MYO1D: variants seen among roughly 807,000 people sequenced by gnomAD.
MYO1D encodes unconventional myosin-Id.
MYO1D carries 83 observed loss-of-function variants against 122.0 expected under a neutral mutation model. That is an observed-to-expected ratio of 0.68 (90% CI 0.57 to 0.82). The LOEUF (loss-of-function observed/expected upper bound fraction) is 0.82. MYO1D is among the 40% of genes least tolerant of loss of function. MYO1D has a pLI of 0.00. For synonymous variants in MYO1D, 464 were observed against 446.9 expected, an observed-to-expected ratio of 1.04 and a Z score of -0.48; for missense variants, 1,157 against 1,269.5, an observed-to-expected ratio of 0.91 and a Z score of 1.35.
intron 21 of MYO1D, among the ~76,000 whole-genome samples, chr17:32,588,831 T>C (rs2087413481): frequency 6.6e-6 from 1 of 152,056 alleles, no homozygotes; most frequent in South Asian, 2.1e-4. Context: ...CAGTCCCAGC[T>C]ACTTGGGAGG....
At chr17:32,688,851 CA>C (rs2089056579) in intron 16 of MYO1D, among the ~76,000 whole-genome samples, 1 of 152,106 alleles carries the variant, frequency 6.6e-6, no homozygotes, top group Admixed American at 6.6e-5. Context: ...CCACAACCAT[CA>C]CCACGGTTCT....
At chr17:32,859,146 T>C (rs1352356058) in intron 1 of MYO1D, among the ~76,000 whole-genome samples, 1 of 152,228 alleles carries the variant, frequency 6.6e-6, no homozygotes, top group Non-Finnish European at 1.5e-5. Flanking sequence ...TGTATGGATA[T>C]AGGTGCATAC....
chr17:32,720,966 C>A (rs939244998), intron 15 of MYO1D, 57 bp downstream of exon 15: 3 of 1,529,756 alleles, frequency 2.0e-6, no homozygotes, highest in South Asian at 2.5e-5. Context: ...CACTATTGTA[C>A]GGGGAGGACT....
chr17:32,776,099 T>A, intron 3 of MYO1D, 70 bp from the exon 4 acceptor site: 1 of 1,377,154 alleles, frequency 7.3e-7, no homozygotes, highest in Non-Finnish European at 1.0e-6. Context: ...AACTGGATTT[T>A]GCTAAACCAC....
chr17:32,822,624 CCCCCGTCCCGGGGGGTGGCCGCGCGGG>C (rs1474055636), intron 1 of MYO1D, among the ~76,000 whole-genome samples: 26 of 148,918 alleles, frequency 1.7e-4, no homozygotes, highest in African/African-American at 6.1e-4. Context: ...GGCCCGCCGG[CCCCCGTCCCGGGGGGTGGCCGCGCGGG>C]CCCCGGTGGG....
intron 1 of MYO1D, among the ~76,000 whole-genome samples, chr17:32,819,444 C>T (rs2151056596): frequency 6.6e-6 from 1 of 152,286 alleles, no homozygotes; most frequent in South Asian, 2.1e-4. Context: ...GCAGTTTCTG[C>T]TCCTTCTCAA....
chr17:32,679,357 T>C (rs2150965648), intron 16 of MYO1D, among the ~76,000 whole-genome samples: 1 of 152,154 alleles, frequency 6.6e-6, no homozygotes, highest in East Asian at 1.9e-4. Flanking sequence ...TGAATGGTAA[T>C]GCCTAGGTTT....
intron 12 of MYO1D, among the ~76,000 whole-genome samples, chr17:32,747,963 A>G (rs2089854918): frequency 6.6e-6 from 1 of 152,182 alleles, no homozygotes; most frequent in Non-Finnish European, 1.5e-5. Context: ...TAGAAGCTGG[A>G]AAAAGGAACA....
At chr17:32,556,828 T>G (rs184375720) in intron 21 of MYO1D, among the ~76,000 whole-genome samples, 353 of 152,242 alleles carry the variant, frequency 2.3e-3, no homozygotes, top group South Asian at 8.5e-3. Context: ...AATATTATAG[T>G]GTTTTGGGTC....
intron 21 of MYO1D, among the ~76,000 whole-genome samples, chr17:32,532,723 CAAAAAAA>C: frequency 1.0e-5 from 1 of 99,660 alleles, no homozygotes; most frequent in Admixed American, 1.1e-4. Context: ...GACTCCGTCT[CAAAAAAA>C]AAAAAAAAAA....
chr17:32,861,260 G>T (rs914833506), intron 1 of MYO1D, among the ~76,000 whole-genome samples: 47 of 151,870 alleles, frequency 3.1e-4, no homozygotes, highest in Non-Finnish European at 5.6e-4. Flanking sequence ...AGAGATGGGG[G>T]TTTCACCATG....
In MYO1D at chr17:32,494,037, A is replaced by G. The variant is rs1168924200; in HGVS notation, c.*722T>C. The G allele has an allele frequency of 1.3e-5, 2 of 152,320 alleles. No individual in the cohort carries two copies. Among genetic ancestry groups the G allele is most frequent in the Admixed American group, 6.5e-5 (1 of 15,288 alleles). 9.4% of individuals were successfully genotyped at this position (152,320 alleles called of 1,614,324 possible). Reference sequence around the variant, plus strand: ...GACCACAGCCACAGGCTGCGAGTTAAGTAAGATGATCCTTGGAGCATGCCA... The same window carrying G: ...GACCACAGCCACAGGCTGCGAGTTAGGTAAGATGATCCTTGGAGCATGCCA... On this transcript the variant is annotated 3_prime_UTR_variant, in exon 22 of 22. Coordinates refer to ENST00000318217, the MANE Select transcript of MYO1D (RefSeq NM_015194.3).
At chr17:32,842,034 T>C (rs11080193) in intron 1 of MYO1D, among the ~76,000 whole-genome samples, 62,109 of 152,040 alleles carry the variant, frequency 0.41, 13,006 homozygotes, top group East Asian at 0.54. Context: ...CAATTATACA[T>C]TTATTTGTAC....
intron 13 of MYO1D, 24 bp downstream of exon 13, chr17:32,745,187 T>A: frequency 1.6e-6 from 2 of 1,263,570 alleles, no homozygotes; most frequent in Non-Finnish European, 2.3e-6. Flanking sequence ...AATCTAGAGT[T>A]AATTAATAAA....
At chr17:32,759,439 T>C (rs920004499) in intron 10 of MYO1D, among the ~76,000 whole-genome samples, 4 of 152,160 alleles carry the variant, frequency 2.6e-5, no homozygotes, top group Non-Finnish European at 4.4e-5. Flanking sequence ...GCTGCTATTA[T>C]ATTGGATAAC....
chr17:32,547,745 G>A (rs1469870587), intron 21 of MYO1D, among the ~76,000 whole-genome samples: 3 of 152,122 alleles, frequency 2.0e-5, no homozygotes, highest in African/African-American at 4.8e-5. Context: ...CCAGGAGATC[G>A]AGACCAGCCT....
intron 21 of MYO1D, among the ~76,000 whole-genome samples, chr17:32,554,524 TA>T (rs1340809748): frequency 6.6e-6 from 1 of 152,168 alleles, no homozygotes; most frequent in Non-Finnish European, 1.5e-5. Context: ...GAAGGATATA[TA>T]AGTGAATATT....
intron 15 of MYO1D, among the ~76,000 whole-genome samples, chr17:32,716,516 C>A (rs2089448670): frequency 6.6e-6 from 1 of 152,168 alleles, no homozygotes; most frequent in Non-Finnish European, 1.5e-5. Flanking sequence ...GAAAAGAAAT[C>A]ATTTAAAGCC....
chr17:32,759,489 A>G (rs932693105), intron 10 of MYO1D, among the ~76,000 whole-genome samples: 1 of 152,202 alleles, frequency 6.6e-6, no homozygotes, highest in African/African-American at 2.4e-5. Context: ...CTCTGGCAAG[A>G]GGATGAACAA....
Sources: allele counts gnomAD v4.1 joint callset (sites outside exome capture counted in the v4.1 genomes callset), GRCh38; gene constraint gnomAD v4.1.1; transcripts MANE v1.5; gene names NCBI Gene and HGNC (gene_info 2026-07-23, HGNC 2026-07-21).